MTMR2: variants seen among roughly 807,000 people sequenced by gnomAD.
MTMR2 encodes the protein phosphatidylinositol-3,5-bisphosphate 3-phosphatase MTMR2.
A neutral mutation model predicts 86.9 loss-of-function variants in MTMR2; 55 were observed. The ratio of observed to expected loss-of-function variants is 0.63; its 90% CI spans 0.51 to 0.79. The LOEUF is 0.79. Ranked by LOEUF, MTMR2 falls within the 30% of genes least tolerant of loss-of-function variation. The pLI is 0.00. For missense variants in MTMR2, 659 were observed against 772.3 expected (o/e 0.85, Z 1.74); for synonymous variants, 241 against 266.8 (o/e 0.90, Z 0.94).
intron 1 of MTMR2, among the ~76,000 whole-genome samples, chr11:95,923,025 T>G (rs1036132272): frequency 6.6e-6 from 1 of 152,180 alleles, no homozygotes; most frequent in Non-Finnish European, 1.5e-5. Context: ...CTTATATTAT[T>G]TTTTAAAAAA....
chr11:95,895,603 C>G (rs1398524618), intron 1 of MTMR2, among the ~76,000 whole-genome samples: 3 of 152,024 alleles, frequency 2.0e-5, no homozygotes, highest in Admixed American at 6.6e-5. Context: ...CAGACAATAG[C>G]AGGTGTTGGC....
intron 2 of MTMR2, among the ~76,000 whole-genome samples, chr11:95,878,542 T>C: frequency 6.6e-6 from 1 of 152,144 alleles, no homozygotes; most frequent in Non-Finnish European, 1.5e-5. Context: ...TCCTTCACTT[T>C]TCTGCAAAAA....
intron 2 of MTMR2, among the ~76,000 whole-genome samples, chr11:95,869,595 G>T (rs1864773870): frequency 6.6e-6 from 1 of 152,164 alleles, no homozygotes; most frequent in African/African-American, 2.4e-5. Flanking sequence ...TCTCACTGTT[G>T]TAAGGAAAGC....
intron 1 of MTMR2, among the ~76,000 whole-genome samples, chr11:95,910,126 C>T (rs1416208053): frequency 4.5e-5 from 6 of 132,274 alleles, no homozygotes; most frequent in African/African-American, 1.0e-4. Context: ...CACGCATGCA[C>T]GCACACACAC....
chr11:95,861,183 G>C (rs1224506207), intron 5 of MTMR2, among the ~76,000 whole-genome samples: 1 of 150,698 alleles, frequency 6.6e-6, no homozygotes, highest in Non-Finnish European at 1.5e-5. Flanking sequence ...ATGAGAACTA[G>C]AAACAGAAAA....
intron 13 of MTMR2, among the ~76,000 whole-genome samples, chr11:95,837,008 A>G (rs1863314242): frequency 6.6e-6 from 1 of 151,990 alleles, no homozygotes; most frequent in Non-Finnish European, 1.5e-5. Flanking sequence ...ATCAATTTAA[A>G]AAGTTTTTTT....
intron 1 of MTMR2, among the ~76,000 whole-genome samples, chr11:95,901,278 C>T (rs559722667): frequency 1.4e-4 from 21 of 152,282 alleles, no homozygotes; most frequent in African/African-American, 5.1e-4. Flanking sequence ...GCCCCACACT[C>T]TCTCTCCAGC....
chr11:95,859,593 C>T (rs541097364), intron 5 of MTMR2, among the ~76,000 whole-genome samples: 2 of 152,220 alleles, frequency 1.3e-5, no homozygotes, highest in South Asian at 2.1e-4. Flanking sequence ...TTGATTGATA[C>T]TTGAATGAAA....
At chr11:95,913,048 A>G (rs192394739) in intron 1 of MTMR2, 1 of 152,248 alleles carries the variant, frequency 6.6e-6, no homozygotes, top group East Asian at 1.9e-4. Flanking sequence ...TTCCTTCACC[A>G]AGTCTATCCA....
At chr11:95,861,402 GTTA>G (rs149187983) in intron 5 of MTMR2, among the ~76,000 whole-genome samples, 36,340 of 140,720 alleles carry the variant, frequency 0.26, 5,261 homozygotes, top group Non-Finnish European at 0.33. Context: ...ATTAAAGATG[GTTA>G]TTATTATTAT....
chr11:95,840,046 C>CAAGGAG (rs918529807), intron 12 of MTMR2: 1 of 152,180 alleles, frequency 6.6e-6, no homozygotes, highest in Middle Eastern at 3.4e-3. Context: ...TTCTCCCATC[C>CAAGGAG]AAGTGCTAAC....
At chr11:95,858,436 A>G in intron 6 of MTMR2, 95 bp downstream of exon 6, 1 of 814,474 alleles carries the variant, frequency 1.2e-6, no homozygotes, top group Non-Finnish European at 2.2e-6. Context: ...CAAAGCAGGG[A>G]TGTAAATGTA....
At chr11:95,868,960 A>G (rs1399443463) in intron 2 of MTMR2, among the ~76,000 whole-genome samples, 2 of 151,898 alleles carry the variant, frequency 1.3e-5, no homozygotes, top group African/African-American at 4.8e-5. Flanking sequence ...GAAAAAAAAA[A>G]AGAAAAAGAA....
intron 2 of MTMR2, among the ~76,000 whole-genome samples, chr11:95,873,061 A>G (rs1480660830): frequency 6.6e-6 from 1 of 152,198 alleles, no homozygotes; most frequent in Non-Finnish European, 1.5e-5. Context: ...CATCAGGAAT[A>G]CTGGTCTAAA....
chr11:95,857,693 C>G (rs1465473844), intron 6 of MTMR2, 58 bp from the exon 7 acceptor site: 1 of 1,117,286 alleles, frequency 9.0e-7, no homozygotes, highest in Non-Finnish European at 1.4e-6. Flanking sequence ...GGTAATGAAT[C>G]AGAAATGTAT....
chr11:95,895,108 T>C (rs1865836855), intron 1 of MTMR2, among the ~76,000 whole-genome samples: 1 of 148,740 alleles, frequency 6.7e-6, no homozygotes, highest in Non-Finnish European at 1.5e-5. Flanking sequence ...AGAGACATTA[T>C]ACCACACAAG....
At chr11:95,888,762 A>G (rs693364) in intron 1 of MTMR2, among the ~76,000 whole-genome samples, 43,429 of 152,048 alleles carry the variant, frequency 0.29, 7,451 homozygotes, top group Non-Finnish European at 0.39. Context: ...ATACATACAA[A>G]TATCTATGGG....
chr11:95,854,163 AGAAAACTGGAATTGGCTAGCCCT>A (rs1864125451), intron 7 of MTMR2, among the ~76,000 whole-genome samples: 1 of 152,192 alleles, frequency 6.6e-6, no homozygotes, highest in Non-Finnish European at 1.5e-5. Context: ...CCTTTCAAGC[AGAAAACTGGAATTGGCTAGCCCT>A]CAGACACTCT....
chr11:95,833,971 G>GT lies in MTMR2; in HGVS notation c.*1318dup, dbSNP rs1555056217. On this transcript the variant is annotated 3_prime_UTR_variant, in exon 15 of 15. Coordinates refer to ENST00000346299, the MANE Select transcript of MTMR2 (RefSeq NM_016156.6). ...TGTATATTTTAATTGTTTGATTTGG[G>GT]TGTTGGTTAAGGAAAAATGGGTACA... 6.6e-6 allele frequency: 1 copy of GT among 152,260 alleles called. No individual in the cohort carries two copies. Among genetic ancestry groups the GT allele is most frequent in the Non-Finnish European group, 1.5e-5 (1 of 67,962 alleles). The allele number at this position is 152,260 out of a possible 1,614,324, so 9.4% of individuals were successfully genotyped here.
Sources: allele counts gnomAD v4.1 joint callset (sites outside exome capture counted in the v4.1 genomes callset), GRCh38; gene constraint gnomAD v4.1.1; transcripts MANE v1.5; gene names NCBI Gene and HGNC (gene_info 2026-07-23, HGNC 2026-07-21).